Variants in NCKAP5 observed in about 807,000 individuals in gnomAD.
The protein encoded by NCKAP5 is nck-associated protein 5.
NCKAP5 carries 92 observed loss-of-function variants against 167.0 expected under a neutral mutation model. The observed-to-expected ratio is 0.55, with a 90% CI of 0.47 to 0.66. The LOEUF (loss-of-function observed/expected upper bound fraction) is 0.66. Among genes scored for constraint, NCKAP5 ranks in the 30% least tolerant of loss-of-function variants. NCKAP5 has a pLI of 0.00. For synonymous variants in NCKAP5, 891 were observed against 877.4 expected, an observed-to-expected ratio of 1.02 and a Z score of -0.27; for missense variants, 2,378 against 2,315.0, an observed-to-expected ratio of 1.03 and a Z score of -0.56.
intron 5 of NCKAP5, among the ~76,000 whole-genome samples, chr2:133,212,481 C>A (rs1048231976): frequency 6.6e-6 from 1 of 152,168 alleles, no homozygotes; most frequent in South Asian, 2.1e-4. Context: ...GATTCTCATG[C>A]CTCAGCTTCC....
chr2:133,456,243 A>T (rs951575318), intron 3 of NCKAP5, among the ~76,000 whole-genome samples: 3 of 152,170 alleles, frequency 2.0e-5, no homozygotes, highest in African/African-American at 7.2e-5. Context: ...ACTGCAAGAG[A>T]ACATGTCCCA....
chr2:132,757,905 G>A (rs1448779499), intron 16 of NCKAP5, among the ~76,000 whole-genome samples: 1 of 152,146 alleles, frequency 6.6e-6, no homozygotes, highest in Non-Finnish European at 1.5e-5. Context: ...ATCATAGCTG[G>A]AATTTCCACC....
At chr2:133,163,896 T>G (rs939068480) in intron 5 of NCKAP5, among the ~76,000 whole-genome samples, 1 of 151,980 alleles carries the variant, frequency 6.6e-6, no homozygotes, top group Non-Finnish European at 1.5e-5. Context: ...GAACCTTTTC[T>G]TGTACATCTA....
At chr2:133,328,873 A>C (rs1682637352) in intron 3 of NCKAP5, among the ~76,000 whole-genome samples, 1 of 152,152 alleles carries the variant, frequency 6.6e-6, no homozygotes. Context: ...GGAAAGAAAA[A>C]CTTGCGGCAA....
At chr2:133,638,487 A>G in the NCKAP5 span, among the ~76,000 whole-genome samples, 5,513 of 152,320 alleles carry the variant, frequency 0.036, 139 homozygotes, top group Non-Finnish European at 0.054. Flanking sequence ...AGAATACATA[A>G]ACTCTTAAAA....
intron 6 of NCKAP5, among the ~76,000 whole-genome samples, chr2:133,074,515 C>A (rs1021240428): frequency 6.6e-6 from 1 of 151,980 alleles, no homozygotes; most frequent in African/African-American, 2.4e-5. Flanking sequence ...TGTGTGCCAA[C>A]CCTCCAGCTA....
chr2:133,215,408 C>T (rs539575411), intron 4 of NCKAP5, among the ~76,000 whole-genome samples: 1 of 152,246 alleles, frequency 6.6e-6, no homozygotes, highest in South Asian at 2.1e-4. Context: ...CTGGCAAATA[C>T]TTATAAAGTC....
At chr2:133,107,018 C>G (rs951391623) in intron 6 of NCKAP5, among the ~76,000 whole-genome samples, 1 of 152,140 alleles carries the variant, frequency 6.6e-6, no homozygotes, top group Admixed American at 6.5e-5. Flanking sequence ...AATTTTTAGC[C>G]TGCTCCACTG....
chr2:133,383,107 GCA>G (rs1179895794), intron 3 of NCKAP5, among the ~76,000 whole-genome samples: 1 of 151,930 alleles, frequency 6.6e-6, no homozygotes, highest in East Asian at 1.9e-4. Flanking sequence ...GGGTACATGT[GCA>G]CAGTGTGCAG....
At chr2:132,949,281 G>T (rs146416413) in intron 8 of NCKAP5, among the ~76,000 whole-genome samples, 1 of 152,138 alleles carries the variant, frequency 6.6e-6, no homozygotes, top group Non-Finnish European at 1.5e-5. Flanking sequence ...TGGAGGGGCA[G>T]TCCCTTCAAG....
At chr2:133,031,287 G>A (rs2078871292) in intron 6 of NCKAP5, among the ~76,000 whole-genome samples, 1 of 151,422 alleles carries the variant, frequency 6.6e-6, no homozygotes, top group South Asian at 2.1e-4. Flanking sequence ...GCATCTCTTG[G>A]TGCTGGGGGA....
intron 3 of NCKAP5, among the ~76,000 whole-genome samples, chr2:133,514,856 C>T (rs763080759): frequency 2.0e-5 from 3 of 151,884 alleles, no homozygotes; most frequent in Non-Finnish European, 4.4e-5. Context: ...AGCAGATAAC[C>T]TCTCTGGGCC....
At chr2:133,145,913 ACAG>A (rs1463726838) in intron 5 of NCKAP5, among the ~76,000 whole-genome samples, 1 of 152,166 alleles carries the variant, frequency 6.6e-6, no homozygotes, top group East Asian at 1.9e-4. Flanking sequence ...CAAGCTTCTT[ACAG>A]CTGAATCATT....
intron 16 of NCKAP5, among the ~76,000 whole-genome samples, chr2:132,733,064 T>G (rs913605948): frequency 6.6e-6 from 1 of 152,254 alleles, no homozygotes; most frequent in African/African-American, 2.4e-5. Context: ...ACCATGTGTG[T>G]GACATAGTCT....
intron 8 of NCKAP5, among the ~76,000 whole-genome samples, chr2:132,893,839 A>G (rs1396789188): frequency 6.6e-6 from 1 of 152,128 alleles, no homozygotes; most frequent in Non-Finnish European, 1.5e-5. Flanking sequence ...ATAAATATAC[A>G]TTTTTGGGCA....
At chr2:132,745,593 T>C (rs1393408353) in intron 16 of NCKAP5, among the ~76,000 whole-genome samples, 2 of 151,910 alleles carry the variant, frequency 1.3e-5, no homozygotes, top group African/African-American at 4.8e-5. Context: ...GTGGAGGTTA[T>C]AGCCAGTGCA....
intron 3 of NCKAP5, among the ~76,000 whole-genome samples, chr2:133,352,199 T>A (rs1684410616): frequency 1.3e-5 from 2 of 152,180 alleles, no homozygotes; most frequent in South Asian, 4.1e-4. Context: ...CCCTCCCTGT[T>A]TTATTTCTCC....
chr2:132,936,791 A>G (rs1696885026), intron 8 of NCKAP5, among the ~76,000 whole-genome samples: 1 of 152,164 alleles, frequency 6.6e-6, no homozygotes. Context: ...TATAGTTTCT[A>G]TTTACTTTCT....
At chr2:132,920,517 T>C (rs1466036596) in intron 8 of NCKAP5, among the ~76,000 whole-genome samples, 1 of 151,066 alleles carries the variant, frequency 6.6e-6, no homozygotes, top group East Asian at 1.9e-4. Context: ...GGAAAGCTGA[T>C]GGCCAAGAAT....
Sources: allele counts gnomAD v4.1 joint callset (sites outside exome capture counted in the v4.1 genomes callset), GRCh38; gene constraint gnomAD v4.1.1; transcripts MANE v1.5; gene names NCBI Gene and HGNC (gene_info 2026-07-23, HGNC 2026-07-21).